Variants in NTM observed in about 807,000 individuals in gnomAD.
The protein encoded by NTM is neurotrimin.
NTM carries 13 observed loss-of-function variants against 42.1 expected under a neutral mutation model. That is an observed-to-expected ratio of 0.31 (90% CI 0.20 to 0.49). NTM has a LOEUF of 0.49. NTM is among the 20% of genes least tolerant of loss of function. The pLI, the probability that NTM is intolerant of heterozygous loss-of-function variation, is 0.99. For missense variants in NTM, 373 were observed against 452.8 expected, an observed-to-expected ratio of 0.82 and a Z score of 1.60; for synonymous variants, 187 against 179.2, an observed-to-expected ratio of 1.04 and a Z score of -0.35.
At chr11:131,969,783 T>C (rs1423257170) in intron 2 of NTM, among the ~76,000 whole-genome samples, 6 of 152,250 alleles carry the variant, frequency 3.9e-5, no homozygotes, top group Non-Finnish European at 7.3e-5. Context: ...TTCAATGTTT[T>C]CATTTTAGTA....
chr11:131,769,890 G>A (rs1409605593), intron 1 of NTM, among the ~76,000 whole-genome samples: 1 of 152,196 alleles, frequency 6.6e-6, no homozygotes, highest in African/African-American at 2.4e-5. Context: ...TTTGCCGCTG[G>A]TAATGAATAG....
At position 132,282,010 on chromosome 11, in the gene NTM, G is replaced by A. The variant is rs180683650; in HGVS notation, c.527-25679G>A. On this transcript the variant is annotated intron_variant, in intron 4 of 8. Coordinates refer to ENST00000683400, the MANE Select transcript of NTM (RefSeq NM_001352005.2). ...ATGTTTCATTGCCAAAAGCAACTAC[G>A]TATTGATATTTCAGAAATGCTGCCA... Among the ~76,000 whole-genome samples the A allele has an allele frequency of 2.3e-4, 35 of 152,266 alleles. No individual in the cohort carries two copies. In the East Asian group the frequency reaches 5.8e-3, roughly 25 times the overall value.
At chr11:131,621,636 CAAAA>C (rs527788930) in intron 1 of NTM, among the ~76,000 whole-genome samples, 1 of 98,996 alleles carries the variant, frequency 1.0e-5, no homozygotes, top group South Asian at 3.7e-4. Flanking sequence ...CCTATCTTTA[CAAAA>C]AAAAAAAAAA....
intron 2 of NTM, among the ~76,000 whole-genome samples, chr11:132,130,634 C>T (rs572826958): frequency 1.3e-5 from 2 of 152,278 alleles, no homozygotes; most frequent in South Asian, 4.1e-4. Flanking sequence ...AGTTCTACAC[C>T]ACTTTCTAGT....
intron 4 of NTM, among the ~76,000 whole-genome samples, chr11:132,225,334 G>A: frequency 6.6e-6 from 1 of 151,988 alleles, no homozygotes. Context: ...CATGGGTGAA[G>A]AAAGCCAGGA....
intron 1 of NTM, among the ~76,000 whole-genome samples, chr11:131,722,094 A>G (rs775489006): frequency 3.9e-5 from 6 of 152,060 alleles, no homozygotes; most frequent in Admixed American, 6.6e-5. Context: ...TAATGCTTGT[A>G]AAGCAACAAA....
chr11:131,780,036 G>T (rs749850989), intron 1 of NTM, among the ~76,000 whole-genome samples: 1 of 152,176 alleles, frequency 6.6e-6, no homozygotes, highest in African/African-American at 2.4e-5. Context: ...GCGTTCACAG[G>T]AACTTTCATA....
At chr11:131,430,916 A>G (rs534481231) in intron 1 of NTM, among the ~76,000 whole-genome samples, 38 of 152,306 alleles carry the variant, frequency 2.5e-4, no homozygotes, top group African/African-American at 7.9e-4. Flanking sequence ...ACAGGCCCCA[A>G]ACATGTTGCT....
At chr11:131,915,679 TCA>T (rs2056204649) in intron 2 of NTM, among the ~76,000 whole-genome samples, 2 of 152,158 alleles carry the variant, frequency 1.3e-5, no homozygotes, top group African/African-American at 2.4e-5. Flanking sequence ...TTTAATGGAC[TCA>T]CAGTTCCACG....
chr11:131,645,307 G>A (rs946933549), intron 1 of NTM, among the ~76,000 whole-genome samples: 10 of 152,156 alleles, frequency 6.6e-5, no homozygotes, highest in Non-Finnish European at 1.3e-4. Flanking sequence ...AGTAAGAGGG[G>A]TCTCCTTTCT....
chr11:131,432,878 G>T (rs1270716095), intron 1 of NTM, among the ~76,000 whole-genome samples: 34 of 74,168 alleles, frequency 4.6e-4, no homozygotes, highest in South Asian at 1.8e-3. Flanking sequence ...TTTTGAGACG[G>T]AGTCTCACTC....
In NTM at chr11:131,996,294, C is replaced by G. The variant is rs537210989; in HGVS notation, c.167+84646C>G. ...CAGTCACCCTGCTGTTCCCCTGACC[C>G]CCTCCCCTGCACCTGCCATACCCAG... On this transcript the variant is annotated intron_variant, in intron 2 of 8. Transcript: ENST00000683400. 2.6e-5 allele frequency among the ~76,000 whole-genome samples: 4 copies of G among 152,168 alleles called. No individual in the cohort carries two copies. The South Asian group carries it at 8.3e-4, about 32-fold the overall frequency.
intron 1 of NTM, among the ~76,000 whole-genome samples, chr11:131,874,996 G>A (rs960666582): frequency 2.6e-5 from 4 of 152,288 alleles, no homozygotes; most frequent in Middle Eastern, 6.8e-3. Context: ...GTATGACGGG[G>A]CCTGATGGGG....
At chr11:131,810,605 G>A (rs540477803) in intron 1 of NTM, among the ~76,000 whole-genome samples, 15 of 152,300 alleles carry the variant, frequency 9.8e-5, no homozygotes, top group South Asian at 6.2e-4. Context: ...ACTACTCTGC[G>A]TTTTGCTGGG....
At chr11:131,424,708 C>CA (rs1431823215) in intron 1 of NTM, among the ~76,000 whole-genome samples, 1 of 138,812 alleles carries the variant, frequency 7.2e-6, no homozygotes, top group African/African-American at 2.7e-5. Flanking sequence ...TGCAGGCACC[C>CA]ACCACCATGC....
chr11:131,756,501 G>T (rs964347658), intron 1 of NTM, among the ~76,000 whole-genome samples: 7 of 150,878 alleles, frequency 4.6e-5, no homozygotes, highest in African/African-American at 1.2e-4. Context: ...TCCAGCCTGG[G>T]CAACAGAGTG....
At chr11:131,506,996 A>G (rs1393029532) in intron 1 of NTM, among the ~76,000 whole-genome samples, 3 of 152,218 alleles carry the variant, frequency 2.0e-5, no homozygotes, top group African/African-American at 7.2e-5. Flanking sequence ...TCTCATGTGC[A>G]GATGAATGAC....
At chr11:131,741,208 A>AGAGAGAGG (rs2081165459) in intron 1 of NTM, among the ~76,000 whole-genome samples, 1 of 122,488 alleles carries the variant, frequency 8.2e-6, no homozygotes, top group Non-Finnish European at 1.8e-5. Flanking sequence ...AGAGAGAGAG[A>AGAGAGAGG]TGTTTTTTGG....
chr11:131,991,469 C>G (rs537516606), intron 2 of NTM, among the ~76,000 whole-genome samples: 1 of 152,226 alleles, frequency 6.6e-6, no homozygotes, highest in South Asian at 2.1e-4. Context: ...TGAGGACATT[C>G]TATGTGTCCA....
Sources: allele counts gnomAD v4.1 joint callset (sites outside exome capture counted in the v4.1 genomes callset), GRCh38; gene constraint gnomAD v4.1.1; transcripts MANE v1.5; gene names NCBI Gene and HGNC (gene_info 2026-07-23, HGNC 2026-07-21).